The following SHISA6 variants were observed in gnomAD, a reference collection of about 807,000 sequenced individuals.
SHISA6 encodes protein shisa-6.
SHISA6 carries 22 observed loss-of-function variants against 47.9 expected under a neutral mutation model. The ratio of observed to expected loss-of-function variants is 0.46; its 90% CI spans 0.33 to 0.66. SHISA6 has a LOEUF of 0.66. Ranked by LOEUF, SHISA6 falls within the 30% of genes least tolerant of loss-of-function variation. SHISA6 has a pLI of 0.02. For missense variants in SHISA6, 680 were observed against 764.6 expected, an observed-to-expected ratio of 0.89 and a Z score of 1.30; for synonymous variants, 388 against 337.8, an observed-to-expected ratio of 1.15 and a Z score of -1.63.
chr17:11,301,063 C>T (rs1408055808), intron 2 of SHISA6, among the ~76,000 whole-genome samples: 1 of 152,166 alleles, frequency 6.6e-6, no homozygotes, highest in Non-Finnish European at 1.5e-5. Flanking sequence ...AGTACAGCTG[C>T]GTGGAGTCCC....
intron 1 of SHISA6, 83 bp from the exon 2 acceptor site, chr17:11,263,283 G>C: frequency 1.5e-6 from 2 of 1,372,216 alleles, no homozygotes; most frequent in Non-Finnish European, 2.0e-6. Flanking sequence ...TAAATCAAAG[G>C]GCATATGAAA....
intron 3 of SHISA6, among the ~76,000 whole-genome samples, chr17:11,497,485 G>C (rs2071418529): frequency 6.6e-6 from 1 of 152,114 alleles, no homozygotes; most frequent in Non-Finnish European, 1.5e-5. Context: ...ATCAGTCATG[G>C]GGTCTGAGAC....
At chr17:11,399,015 A>G (rs1455776882) in intron 3 of SHISA6, among the ~76,000 whole-genome samples, 1 of 152,018 alleles carries the variant, frequency 6.6e-6, no homozygotes, top group African/African-American at 2.4e-5. Flanking sequence ...GAGTGGAAAG[A>G]TCACTTGCTG....
rs367883260 is a variant in SHISA6, at chr17:11,304,335, T to A, written c.799+40809T>A. Among the ~76,000 whole-genome samples the A allele has an allele frequency of 1.4e-4, 21 of 152,280 alleles. No individual in the cohort carries two copies. In the East Asian group the frequency reaches 2.7e-3, roughly 20 times the overall value. On this transcript the variant is annotated intron_variant, in intron 2 of 5. Transcript: ENST00000441885. ...GCAGAGGGAGGATGATCACACAGCA[T>A]CTCACGTCCTAGGCTCAAGATCTAC... is the stretch of plus-strand genomic sequence containing the variant.
chr17:11,504,667 C>T (rs188823843), intron 3 of SHISA6, among the ~76,000 whole-genome samples: 3 of 152,256 alleles, frequency 2.0e-5, no homozygotes. Flanking sequence ...GACCTTGTAG[C>T]TTACAGTGAG....
intron 3 of SHISA6, among the ~76,000 whole-genome samples, chr17:11,549,896 C>T (rs1189074919): frequency 5.3e-5 from 8 of 152,214 alleles, no homozygotes; most frequent in Non-Finnish European, 8.8e-5. Flanking sequence ...TGGATTCTCT[C>T]TTCTTGCTTA....
intron 1 of SHISA6, among the ~76,000 whole-genome samples, chr17:11,255,075 G>C (rs1363030520): frequency 6.6e-6 from 1 of 152,228 alleles, no homozygotes; most frequent in African/African-American, 2.4e-5. Flanking sequence ...ATACCACTAT[G>C]TCAACAGGAC....
intron 2 of SHISA6, among the ~76,000 whole-genome samples, chr17:11,314,529 ATTTTTTTGTTTT>A (rs1337154587): frequency 7.0e-6 from 1 of 143,658 alleles, no homozygotes; most frequent in East Asian, 2.1e-4. Context: ...CTGTTTTTTC[ATTTTTTTGTTTT>A]TTTTTTTTTT....
intron 3 of SHISA6, among the ~76,000 whole-genome samples, chr17:11,541,251 A>G (rs2142378981): frequency 6.6e-6 from 1 of 152,196 alleles, no homozygotes; most frequent in East Asian, 1.9e-4. Flanking sequence ...TCCATCCCTT[A>G]GACACTATGC....
intron 3 of SHISA6, among the ~76,000 whole-genome samples, chr17:11,523,586 C>T (rs1048033917): frequency 2.0e-5 from 3 of 152,132 alleles, no homozygotes; most frequent in African/African-American, 7.2e-5. Flanking sequence ...AGGGCTCTGC[C>T]TGTGTGGGCG....
At chr17:11,557,455 A>G (rs1314375136) in intron 5 of SHISA6, among the ~76,000 whole-genome samples, 1 of 152,186 alleles carries the variant, frequency 6.6e-6, no homozygotes, top group Non-Finnish European at 1.5e-5. Context: ...AAGGTGGTCT[A>G]TGTACCAGAG....
chr17:11,388,790 T>TATA (rs1913276181), intron 3 of SHISA6, among the ~76,000 whole-genome samples: 2 of 50,020 alleles, frequency 4.0e-5, no homozygotes, highest in Non-Finnish European at 7.6e-5. Context: ...AAACAAAAGT[T>TATA]TATATATATA....
chr17:11,263,468 G>A lies in SHISA6; in HGVS notation c.741G>A (p.Pro247=), dbSNP rs747911092. The change falls in exon 2 of 6, where the codon CCG becomes CCA. Residue 247 remains proline (P), a synonymous_variant. Transcript: ENST00000441885. ...ATACCTCTCCCAAAGAGAACACGCC[G>A]GTCAGATCGTCCTCCAAAAACCACT... ...AIDTSPKENT[P]VRSSSKNHYT... 323 of 1,551,522 alleles carry A rather than the reference G, an allele frequency of 2.1e-4. No individual in the cohort carries two copies. Among genetic ancestry groups the A allele is most frequent in the Non-Finnish European group, 2.1e-4 (238 of 1,147,006 alleles).
At chr17:11,481,364 G>GTA (rs747477268) in intron 3 of SHISA6, among the ~76,000 whole-genome samples, 4 of 134,434 alleles carry the variant, frequency 3.0e-5, no homozygotes, top group South Asian at 2.3e-4. Flanking sequence ...GTGTGTGTGT[G>GTA]TGTATATATA....
chr17:11,430,078 A>T (rs2142288966), intron 3 of SHISA6, among the ~76,000 whole-genome samples: 1 of 152,340 alleles, frequency 6.6e-6, no homozygotes, highest in East Asian at 1.9e-4. Context: ...TGAGATGAGG[A>T]AACTGAGGAT....
chr17:11,247,919 C>T (rs573157558), intron 1 of SHISA6, among the ~76,000 whole-genome samples: 13 of 151,958 alleles, frequency 8.6e-5, no homozygotes, highest in African/African-American at 1.9e-4. Flanking sequence ...GGACTACAGG[C>T]GCCCGCCACC....
chr17:11,534,558 T>C (rs1054452616), intron 3 of SHISA6, among the ~76,000 whole-genome samples: 15 of 152,122 alleles, frequency 9.9e-5, no homozygotes, highest in African/African-American at 3.1e-4. Flanking sequence ...TATGTAATTA[T>C]AACACAATGT....
chr17:11,392,334 ACT>A (rs1357447310), intron 3 of SHISA6, among the ~76,000 whole-genome samples: 3 of 151,918 alleles, frequency 2.0e-5, no homozygotes, highest in Non-Finnish European at 4.4e-5. Context: ...TTGAAATTTG[ACT>A]CTCAGTGCGG....
intron 2 of SHISA6, among the ~76,000 whole-genome samples, chr17:11,365,680 G>T (rs1912427130): frequency 6.6e-6 from 1 of 152,168 alleles, no homozygotes; most frequent in Admixed American, 6.5e-5. Flanking sequence ...TTAATCCATT[G>T]GCAACTATCA....
Sources: gnomAD v4.1 joint callset for allele counts (sites outside exome capture counted in the v4.1 genomes callset) on GRCh38, gnomAD v4.1.1 for gene constraint, MANE v1.5 for transcripts, NCBI Gene and HGNC (gene_info 2026-07-23, HGNC 2026-07-21) for gene names.